Variants in ERC2 observed in about 807,000 individuals in gnomAD.
ERC2 encodes the protein ERC protein 2.
In ERC2, 42 loss-of-function variants were observed where a neutral mutation model predicts 114.8. That is an observed-to-expected ratio of 0.37 (90% confidence interval 0.29 to 0.47). The LOEUF is 0.47. Among genes scored for constraint, ERC2 ranks in the 20% least tolerant of loss-of-function variants. The pLI is 0.99. For missense variants in ERC2, 939 were observed against 1,150.7 expected, an observed-to-expected ratio of 0.82 and a Z score of 2.66; for synonymous variants, 454 against 425.5, an observed-to-expected ratio of 1.07 and a Z score of -0.82.
At chr3:55,677,960 G>T (rs1041879814) in intron 17 of ERC2, among the ~76,000 whole-genome samples, 1 of 152,116 alleles carries the variant, frequency 6.6e-6, no homozygotes, top group African/African-American at 2.4e-5. Context: ...TACATCTCCA[G>T]TACTAAGATG....
At chr3:56,163,106 C>CT (rs1219420005) in intron 4 of ERC2, among the ~76,000 whole-genome samples, 1 of 152,058 alleles carries the variant, frequency 6.6e-6, no homozygotes, top group Non-Finnish European at 1.5e-5. Context: ...ATAGTTCTGC[C>CT]TTAATTTCAC....
intron 14 of ERC2, among the ~76,000 whole-genome samples, chr3:55,845,360 C>T (rs546221052): frequency 9.9e-5 from 15 of 151,866 alleles, no homozygotes; most frequent in Non-Finnish European, 1.9e-4. Flanking sequence ...AAAAATTAGC[C>T]GGGCGTAGTG....
At chr3:55,856,791 A>G (rs2061806654) in intron 14 of ERC2, among the ~76,000 whole-genome samples, 1 of 152,250 alleles carries the variant, frequency 6.6e-6, no homozygotes, top group Non-Finnish European at 1.5e-5. Context: ...TAGTGAATAA[A>G]CAAAATGTGA....
intron 17 of ERC2, among the ~76,000 whole-genome samples, chr3:55,545,949 G>T (rs989844234): frequency 5.3e-5 from 8 of 152,152 alleles, no homozygotes; most frequent in Non-Finnish European, 5.9e-5. Context: ...CCTTCCTTAG[G>T]GTCCCTGAGC....
chr3:56,043,153 C>T (rs2075283701), intron 7 of ERC2, among the ~76,000 whole-genome samples: 1 of 152,042 alleles, frequency 6.6e-6, no homozygotes, highest in Non-Finnish European at 1.5e-5. Flanking sequence ...TGCTGGATAT[C>T]GTGATAGTCA....
chr3:55,629,791 C>G (rs2059668944), intron 17 of ERC2, among the ~76,000 whole-genome samples: 1 of 152,160 alleles, frequency 6.6e-6, no homozygotes, highest in Admixed American at 6.5e-5. Flanking sequence ...CAGTATAAAA[C>G]AGGGGAATGT....
chr3:56,049,818 A>ATGTGTGTGTGTGTG (rs3052672), intron 7 of ERC2, among the ~76,000 whole-genome samples: 89 of 145,318 alleles, frequency 6.1e-4, no homozygotes, highest in African/African-American at 2.1e-3. Context: ...CCCATCATAT[A>ATGTGTGTGTGTGTG]TGTGTGTGTG....
At chr3:55,601,171 C>T (rs577647410) in intron 17 of ERC2, among the ~76,000 whole-genome samples, 4 of 152,286 alleles carry the variant, frequency 2.6e-5, no homozygotes, top group African/African-American at 7.2e-5. Context: ...ATATAGCTCG[C>T]TATAACCAGA....
chr3:56,146,124 C>CA (rs972974763), intron 5 of ERC2, among the ~76,000 whole-genome samples: 1 of 151,618 alleles, frequency 6.6e-6, no homozygotes, highest in Non-Finnish European at 1.5e-5. Flanking sequence ...CCATCTCTAC[C>CA]AAAAAAATAC....
chr3:56,429,466 T>C (rs944987344), intron 2 of ERC2, among the ~76,000 whole-genome samples: 1 of 152,174 alleles, frequency 6.6e-6, no homozygotes, highest in East Asian at 1.9e-4. Flanking sequence ...CTGTCCATAA[T>C]CCCTTGCCCC....
At chr3:56,353,859 T>C (rs1051458932) in intron 2 of ERC2, among the ~76,000 whole-genome samples, 3 of 151,644 alleles carry the variant, frequency 2.0e-5, no homozygotes, top group African/African-American at 7.3e-5. Context: ...ATTAAATGCT[T>C]ACTATATTTT....
chr3:56,297,596 G>T (rs2055539098), intron 2 of ERC2, among the ~76,000 whole-genome samples: 1 of 152,216 alleles, frequency 6.6e-6, no homozygotes, highest in African/African-American at 2.4e-5. Flanking sequence ...AAGCCTGAAG[G>T]CATTTCTATC....
chr3:55,535,892 G>C (rs899549025), intron 17 of ERC2, among the ~76,000 whole-genome samples: 3 of 152,128 alleles, frequency 2.0e-5, no homozygotes, highest in Non-Finnish European at 4.4e-5. Flanking sequence ...TACTCAGGAG[G>C]CTGAGACAGG....
intron 15 of ERC2, among the ~76,000 whole-genome samples, chr3:55,720,109 CT>C (rs2064379955): frequency 1.9e-5 from 1 of 52,302 alleles, no homozygotes; most frequent in African/African-American, 7.7e-5. Context: ...CATCCCCCTC[CT>C]CCTCCTCCTC....
chr3:56,337,953 A>G (rs751650542), intron 2 of ERC2, among the ~76,000 whole-genome samples: 1 of 152,276 alleles, frequency 6.6e-6, no homozygotes, highest in Non-Finnish European at 1.5e-5. Context: ...TCATGGCTAC[A>G]TTCAACAAAA....
intron 15 of ERC2, among the ~76,000 whole-genome samples, chr3:55,727,916 A>G (rs550008149): frequency 6.6e-6 from 1 of 152,306 alleles, no homozygotes; most frequent in African/African-American, 2.4e-5. Context: ...GCAATGTGGC[A>G]AGAAAGGGCG....
intron 10 of ERC2, among the ~76,000 whole-genome samples, chr3:55,996,533 A>G (rs2071525315): frequency 6.6e-6 from 1 of 152,212 alleles, no homozygotes; most frequent in African/African-American, 2.4e-5. Context: ...TCTTATAGAA[A>G]CACAAAAAAA....
chr3:55,782,590 T>C (rs1275567673), intron 14 of ERC2, among the ~76,000 whole-genome samples: 5 of 152,178 alleles, frequency 3.3e-5, no homozygotes, highest in Non-Finnish European at 7.3e-5. Flanking sequence ...CAAGAAGTAT[T>C]TTAAGTGCTG....
At chr3:56,284,113 G>A (rs1401236706) in intron 3 of ERC2, among the ~76,000 whole-genome samples, 1 of 152,230 alleles carries the variant, frequency 6.6e-6, no homozygotes, top group African/African-American at 2.4e-5. Context: ...GATATATGCA[G>A]GGTAAAGAAA....
Sources: allele counts gnomAD v4.1 joint callset (sites outside exome capture counted in the v4.1 genomes callset), GRCh38; gene constraint gnomAD v4.1.1; transcripts MANE v1.5; gene names NCBI Gene and HGNC (gene_info 2026-07-23, HGNC 2026-07-21).